The following ADAMTS12 variants were observed in gnomAD, a reference collection of about 807,000 sequenced individuals.
ADAMTS12 encodes the protein ADAM metallopeptidase with thrombospondin type 1 motif 12.
ADAMTS12 carries 118 observed loss-of-function variants against 167.8 expected under a neutral mutation model. That is an observed-to-expected ratio of 0.70 (90% confidence interval 0.61 to 0.82). The LOEUF (loss-of-function observed/expected upper bound fraction) is 0.82. ADAMTS12 is among the 40% of genes least tolerant of loss of function. The pLI is 0.00. For synonymous variants in ADAMTS12, 704 were observed against 716.9 expected (o/e 0.98, Z 0.29); for missense variants, 1,916 against 1,998.8 (o/e 0.96, Z 0.79).
chr5:33,771,068 T>C (rs562871484), intron 2 of ADAMTS12, among the ~76,000 whole-genome samples: 2 of 152,274 alleles, frequency 1.3e-5, no homozygotes, highest in African/African-American at 4.8e-5. Flanking sequence ...TTAGTAAATG[T>C]CACTAATATC....
rs1168976281 is a variant in ADAMTS12, at chr5:33,534,982, G to C, written c.4457C>G (p.Ser1486Cys). 6.2e-7 allele frequency: 1 copy of C among 1,604,842 alleles called. No homozygotes were observed. The highest frequency in any genetic ancestry group is 1.7e-5 in the Admixed American group (1 of 57,472). Reference protein sequence around the residue: ...ATGNWDLCSTSCGGGFQKRTV... With the variant: ...ATGNWDLCSTCCGGGFQKRTV... The stretch of plus-strand genomic sequence containing the variant: ...CCTCTTCTGAAAGCCACCTCCACAG[G>C]AAGTGGAACACTGAAAGAGAAGGTG... The change falls in exon 23 of 24, where the codon TCC (serine) becomes TGC (cysteine). Residue 1486 changes from serine to cysteine, a missense_variant. Ser to Cys is a moderately radical substitution (Grantham distance 112). Coordinates refer to ENST00000504830, the MANE Select transcript of ADAMTS12 (RefSeq NM_030955.4).
intron 3 of ADAMTS12, among the ~76,000 whole-genome samples, chr5:33,748,836 G>A (rs1744880885): frequency 6.6e-6 from 1 of 152,100 alleles, no homozygotes; most frequent in South Asian, 2.1e-4. Context: ...TATGGTATAA[G>A]AACACTGCAA....
chr5:33,735,931 C>T (rs1409430837), intron 3 of ADAMTS12, among the ~76,000 whole-genome samples: 1 of 152,018 alleles, frequency 6.6e-6, no homozygotes, highest in African/African-American at 2.4e-5. Context: ...GGCCAGATAA[C>T]ATTAAAAGTG....
intron 6 of ADAMTS12, among the ~76,000 whole-genome samples, chr5:33,658,860 A>G (rs1205530618): frequency 6.6e-6 from 1 of 152,202 alleles, no homozygotes; most frequent in Non-Finnish European, 1.5e-5. Flanking sequence ...ACAATATTGC[A>G]TATATGAGAG....
At chr5:33,833,642 GA>G (rs879859419) in intron 2 of ADAMTS12, among the ~76,000 whole-genome samples, 1 of 152,010 alleles carries the variant, frequency 6.6e-6, no homozygotes, top group Non-Finnish European at 1.5e-5. Context: ...AACCAAGGAA[GA>G]AAAAAAGTTT....
chr5:33,863,962 C>G (rs1406388312), intron 2 of ADAMTS12, among the ~76,000 whole-genome samples: 1 of 152,160 alleles, frequency 6.6e-6, no homozygotes, highest in Non-Finnish European at 1.5e-5. Flanking sequence ...AGAAAGGATT[C>G]CCTATTTAAC....
intron 16 of ADAMTS12, among the ~76,000 whole-genome samples, chr5:33,608,213 C>G (rs1305961020): frequency 1.3e-5 from 2 of 152,164 alleles, no homozygotes; most frequent in African/African-American, 4.8e-5. Flanking sequence ...GGAGGAAAGA[C>G]ACACAAAAAG....
At position 33,869,179 on chromosome 5, in the gene ADAMTS12, G is replaced by C. The variant is rs369944336; in HGVS notation, c.489+11940C>G. On this transcript the variant is annotated intron_variant, in intron 2 of 23. Coordinates refer to ENST00000504830, the MANE Select transcript of ADAMTS12 (RefSeq NM_030955.4). ...CTGCCCTGTGCAACCTTGGGACACTGCTCCCTGTGTCCCAGCCACTCTAGC... is the reference window on the plus strand; with the variant it reads ...CTGCCCTGTGCAACCTTGGGACACTCCTCCCTGTGTCCCAGCCACTCTAGC... Among the ~76,000 whole-genome samples, 253 of 152,272 alleles carry C rather than the reference G, an allele frequency of 1.7e-3. 1 individual carries two copies. The highest frequency in any genetic ancestry group is 2.9e-3 in the Non-Finnish European group (197 of 68,016).
chr5:33,636,201 C>T (rs1359066731), intron 12 of ADAMTS12, among the ~76,000 whole-genome samples: 8 of 152,136 alleles, frequency 5.3e-5, no homozygotes, highest in East Asian at 1.9e-4. Context: ...AGGGGGATCC[C>T]GTACTAAGCA....
At chr5:33,772,138 T>C (rs186231539) in intron 2 of ADAMTS12, among the ~76,000 whole-genome samples, 145 of 151,936 alleles carry the variant, frequency 9.5e-4, no homozygotes, top group African/African-American at 3.3e-3. Context: ...ATTACAGGCA[T>C]GAGCCACCAC....
chr5:33,568,389 T>C (rs1026098710), intron 19 of ADAMTS12, among the ~76,000 whole-genome samples: 2 of 152,208 alleles, frequency 1.3e-5, no homozygotes, highest in African/African-American at 2.4e-5. Context: ...TACCTATTTA[T>C]TGCTTCTAGT....
At chr5:33,750,052 G>C (rs1744924338) in intron 3 of ADAMTS12, among the ~76,000 whole-genome samples, 1 of 152,136 alleles carries the variant, frequency 6.6e-6, no homozygotes, top group African/African-American at 2.4e-5. Flanking sequence ...ATCACCCAGA[G>C]TGTAATAGGA....
At chr5:33,652,827 C>T (rs757047316) in intron 7 of ADAMTS12, among the ~76,000 whole-genome samples, 6 of 152,072 alleles carry the variant, frequency 3.9e-5, no homozygotes, top group East Asian at 1.9e-4. Context: ...CATTCTTCTG[C>T]GTGTGGCTAT....
chr5:33,648,357 C>T (rs992336538), intron 9 of ADAMTS12, among the ~76,000 whole-genome samples: 7 of 152,142 alleles, frequency 4.6e-5, no homozygotes, highest in Non-Finnish European at 1.0e-4. Flanking sequence ...TAGAACAGAG[C>T]TACAGATTCT....
At chr5:33,679,084 A>G (rs4272135) in intron 5 of ADAMTS12, among the ~76,000 whole-genome samples, 144,420 of 152,234 alleles carry the variant, frequency 0.95, 68,705 homozygotes, top group Middle Eastern at 0.98. Flanking sequence ...GAGTGGAAGT[A>G]GGCAGGTTTT....
intron 23 of ADAMTS12, among the ~76,000 whole-genome samples, chr5:33,531,865 G>A (rs1042997839): frequency 2.6e-5 from 4 of 152,148 alleles, no homozygotes; most frequent in East Asian, 3.9e-4. Context: ...GTGGGGGACC[G>A]GAAGGAAGAG....
At chr5:33,826,475 T>C (rs1392577734) in intron 2 of ADAMTS12, among the ~76,000 whole-genome samples, 1 of 152,114 alleles carries the variant, frequency 6.6e-6, no homozygotes, top group Non-Finnish European at 1.5e-5. Context: ...TACATGTATG[T>C]ATGAATGTAT....
At chr5:33,546,375 T>TA (rs796258311) in intron 21 of ADAMTS12, among the ~76,000 whole-genome samples, 173 bp from the exon 22 acceptor site, 69 of 143,772 alleles carry the variant, frequency 4.8e-4, no homozygotes, top group Non-Finnish European at 6.3e-4. Context: ...ACTCACTATT[T>TA]AAAAAAAAAA....
chr5:33,639,977 C>G (rs899370716), intron 11 of ADAMTS12, among the ~76,000 whole-genome samples: 1 of 152,114 alleles, frequency 6.6e-6, no homozygotes, highest in African/African-American at 2.4e-5. Context: ...TAAGGTGAGG[C>G]TGGTTTTCTA....
Sources: allele counts gnomAD v4.1 joint callset (sites outside exome capture counted in the v4.1 genomes callset), GRCh38; gene constraint gnomAD v4.1.1; transcripts MANE v1.5; gene names NCBI Gene and HGNC (gene_info 2026-07-23, HGNC 2026-07-21).